GSDMC: variants seen among roughly 807,000 people sequenced by gnomAD.
GSDMC encodes the protein gasdermin C.
Under a neutral mutation model 58.0 loss-of-function variants are expected in GSDMC, and 59 were observed. That is an observed-to-expected ratio of 1.02 (90% CI 0.82 to 1.26). The LOEUF is 1.26. Ranked by LOEUF, GSDMC falls within the 50% of genes most tolerant of loss-of-function variation. GSDMC has a pLI of 0.00. For synonymous variants in GSDMC, 241 were observed against 220.2 expected, an observed-to-expected ratio of 1.09 and a Z score of -0.83; for missense variants, 659 against 598.5, an observed-to-expected ratio of 1.10 and a Z score of -1.06.
chr8:129,736,326 G>A, the GSDMC span, among the ~76,000 whole-genome samples: 3 of 152,110 alleles, frequency 2.0e-5, no homozygotes, highest in Admixed American at 1.3e-4. Context: ...GCCTGGCACA[G>A]ATGCAACAAA....
At chr8:129,728,963 C>G in the GSDMC span, 2 of 668,762 alleles carry the variant, frequency 3.0e-6, no homozygotes, top group Admixed American at 2.0e-5. Flanking sequence ...AGCTGCTGAA[C>G]GAGAAGGAGC....
chr8:129,759,320 A>G (rs1456728482), intron 6 of GSDMC, among the ~76,000 whole-genome samples: 4 of 152,174 alleles, frequency 2.6e-5, no homozygotes, highest in African/African-American at 9.7e-5. Context: ...TTCTTCAGTA[A>G]ATACTCCACA....
chr8:129,720,107 T>C, the GSDMC span, among the ~76,000 whole-genome samples: 33,439 of 152,136 alleles, frequency 0.22, 3,941 homozygotes, highest in Non-Finnish European at 0.25. Flanking sequence ...CATGTAACTA[T>C]TATAATGTGC....
chr8:129,781,345 G>C (rs762680453), intron 1 of GSDMC, among the ~76,000 whole-genome samples: 1 of 152,032 alleles, frequency 6.6e-6, no homozygotes, highest in African/African-American at 2.4e-5. Context: ...AAATATATTC[G>C]TGTCAATGAA....
chr8:129,756,722 G>C (rs1414212663), intron 6 of GSDMC, among the ~76,000 whole-genome samples: 3 of 151,848 alleles, frequency 2.0e-5, no homozygotes, highest in Non-Finnish European at 4.4e-5. Flanking sequence ...TGACCACAAT[G>C]GAATAAAACT....
the GSDMC span, among the ~76,000 whole-genome samples, chr8:129,734,982 CA>C: frequency 6.6e-6 from 1 of 151,096 alleles, no homozygotes; most frequent in Non-Finnish European, 1.5e-5. Context: ...AAATGGAAAG[CA>C]AAAAAAAGCA....
chr8:129,709,592 A>C, the GSDMC span, among the ~76,000 whole-genome samples: 1 of 94,926 alleles, frequency 1.1e-5, no homozygotes, highest in Non-Finnish European at 2.5e-5. Context: ...TAGATAGATG[A>C]TAGATAGATA....
chr8:129,741,501 C>G, the GSDMC span, among the ~76,000 whole-genome samples: 1 of 151,998 alleles, frequency 6.6e-6, no homozygotes, highest in East Asian at 1.9e-4. Flanking sequence ...TTATTTGTGT[C>G]TTCTTTAATT....
chr8:129,716,694 C>A, the GSDMC span, among the ~76,000 whole-genome samples: 1 of 152,120 alleles, frequency 6.6e-6, no homozygotes, highest in Non-Finnish European at 1.5e-5. Flanking sequence ...TTGTCTTGTG[C>A]CAGTTTTCAA....
intron 7 of GSDMC, 52 bp downstream of exon 7, chr8:129,752,646 A>T: frequency 6.2e-7 from 1 of 1,602,010 alleles, no homozygotes; most frequent in Non-Finnish European, 8.5e-7. Context: ...AACTATCTGC[A>T]CAAAGAAAAG....
At chr8:129,754,894 C>G (rs1018466982) in intron 6 of GSDMC, among the ~76,000 whole-genome samples, 1 of 151,832 alleles carries the variant, frequency 6.6e-6, no homozygotes, top group Non-Finnish European at 1.5e-5. Flanking sequence ...TTGAAGACAG[C>G]CTATTTGAAA....
At chr8:129,726,962 A>C in the GSDMC span, among the ~76,000 whole-genome samples, 2 of 151,352 alleles carry the variant, frequency 1.3e-5, no homozygotes, top group African/African-American at 4.9e-5. Context: ...CCCATGTCTC[A>C]GTCTTCCAGC....
the GSDMC span, chr8:129,729,074 G>T: frequency 1.6e-6 from 1 of 633,368 alleles, no homozygotes. Context: ...AAATAACTCA[G>T]TTGAAGCATC....
intron 5 of GSDMC, among the ~76,000 whole-genome samples, chr8:129,762,307 A>T (rs983432179): frequency 9.2e-5 from 14 of 152,168 alleles, no homozygotes; most frequent in African/African-American, 3.4e-4. Flanking sequence ...GGGTACTTAA[A>T]TGAATAAGGA....
At chr8:129,719,056 A>G in the GSDMC span, among the ~76,000 whole-genome samples, 5 of 152,186 alleles carry the variant, frequency 3.3e-5, no homozygotes, top group Admixed American at 3.3e-4. Context: ...TAGGGGAGGG[A>G]CAGCATTAGT....
chr8:129,765,917 G>T, intron 3 of GSDMC, 124 bp from the exon 4 acceptor site: 1 of 658,212 alleles, frequency 1.5e-6, no homozygotes, highest in Non-Finnish European at 2.6e-6. Flanking sequence ...TGACAGGTAA[G>T]TCACCAATGG....
chr8:129,723,160 G>C, the GSDMC span: 2 of 152,130 alleles, frequency 1.3e-5, no homozygotes, highest in African/African-American at 4.8e-5. Flanking sequence ...AATTCTACCC[G>C]TCCCAGGGTC....
chr8:129,740,811 A>C, the GSDMC span, among the ~76,000 whole-genome samples: 1 of 152,098 alleles, frequency 6.6e-6, no homozygotes, highest in Admixed American at 6.6e-5. Flanking sequence ...TCACTCTGTT[A>C]ATTTCTTCCT....
chr8:129,735,675 A>G, the GSDMC span, among the ~76,000 whole-genome samples: 2 of 152,260 alleles, frequency 1.3e-5, no homozygotes, highest in African/African-American at 2.4e-5. Context: ...AGGGAAATTT[A>G]TAGCACTAAA....
Sources: gnomAD v4.1 joint callset for allele counts (sites outside exome capture counted in the v4.1 genomes callset) on GRCh38, gnomAD v4.1.1 for gene constraint, MANE v1.5 for transcripts, NCBI Gene and HGNC (gene_info 2026-07-23, HGNC 2026-07-21) for gene names.